The following PDZRN3 variants were observed in gnomAD, a reference collection of about 807,000 sequenced individuals.
PDZRN3 encodes PDZ domain containing ring finger 3.
A neutral mutation model predicts 85.7 loss-of-function variants in PDZRN3; 38 were observed. The observed-to-expected ratio is 0.44, with a 90% CI of 0.34 to 0.58. The LOEUF (loss-of-function observed/expected upper bound fraction) is 0.58. Ranked by LOEUF, PDZRN3 falls within the 20% of genes least tolerant of loss-of-function variation. The pLI is 0.01. For synonymous variants in PDZRN3, 759 were observed against 638.0 expected (o/e 1.19, Z -2.86); for missense variants, 1,629 against 1,506.4 (o/e 1.08, Z -1.35).
intron 3 of PDZRN3, among the ~76,000 whole-genome samples, chr3:73,571,927 T>C (rs1403417968): frequency 6.6e-6 from 1 of 152,216 alleles, no homozygotes; most frequent in Non-Finnish European, 1.5e-5. Flanking sequence ...GAATGGAACA[T>C]GGCATTGGGT....
intron 3 of PDZRN3, among the ~76,000 whole-genome samples, chr3:73,486,669 C>T (rs1241299554): frequency 1.3e-5 from 2 of 152,128 alleles, no homozygotes; most frequent in Non-Finnish European, 2.9e-5. Flanking sequence ...AAAAGTCATA[C>T]ATGCAATTTG....
At chr3:73,485,010 T>C (rs1378381278) in intron 3 of PDZRN3, among the ~76,000 whole-genome samples, 1 of 152,190 alleles carries the variant, frequency 6.6e-6, no homozygotes, top group Non-Finnish European at 1.5e-5. Context: ...CATTCATCTA[T>C]TCTAACCTTT....
chr3:73,404,322 A>G lies in PDZRN3; in HGVS notation c.992T>C (p.Ile331Thr), dbSNP rs1351704833. The G allele has an allele frequency of 3.7e-6, 6 of 1,614,134 alleles. No individual in the cohort carries two copies. The highest frequency in any genetic ancestry group is 3.4e-6 in the Non-Finnish European group (4 of 1,180,020). The change falls in exon 4 of 10, where the codon ATA (isoleucine) becomes ACA (threonine). Residue 331 changes from isoleucine (I) to threonine (T), a missense_variant. Transcript: ENST00000263666. The part of the protein sequence containing the change: ...VEAFKTAKEP[I>T]VVQVLRRTPR... ...TGTTCTTCTCAACACCTGCACCACT[A>G]TGGGCTCCTTGGCTGTCTTGAAAGC...
At chr3:73,555,741 G>A (rs1023700891) in intron 3 of PDZRN3, among the ~76,000 whole-genome samples, 1 of 152,200 alleles carries the variant, frequency 6.6e-6, no homozygotes, top group African/African-American at 2.4e-5. Context: ...TTGAACTTTG[G>A]AGAGGTGAAA....
intron 3 of PDZRN3, among the ~76,000 whole-genome samples, chr3:73,448,619 T>C (rs1244794453): frequency 6.6e-6 from 1 of 152,170 alleles, no homozygotes; most frequent in Admixed American, 6.5e-5. Context: ...TAAGCTGCTA[T>C]ACAGACCACA....
intron 3 of PDZRN3, among the ~76,000 whole-genome samples, chr3:73,521,360 G>A (rs1002383643): frequency 6.6e-6 from 1 of 152,124 alleles, no homozygotes; most frequent in Non-Finnish European, 1.5e-5. Context: ...AGCTTCAGAG[G>A]ATCAAAATGT....
chr3:73,624,305 T>G lies in PDZRN3; in HGVS notation c.521A>C (p.Gln174Pro). The change falls in exon 1 of 10, where the codon CAG (glutamine) becomes CCG (proline). Residue 174 changes from glutamine (Q) to proline (P), a missense_variant. Coordinates refer to ENST00000263666, the MANE Select transcript of PDZRN3 (RefSeq NM_015009.3). ...RALRAHNGAL[Q>P]ARLGALHKAL... ...CTTGTGCAGCGCGCCCAGGCGGGCC[T>G]GGAGCGCGCCGTTGTGCGCCCGCAG... The G allele has an allele frequency of 1.5e-6, 2 of 1,332,248 alleles. No homozygotes were observed. Among genetic ancestry groups the G allele is most frequent in the Non-Finnish European group, 1.9e-6 (2 of 1,049,210 alleles). 82.5% of individuals were successfully genotyped at this position (1,332,248 alleles called of 1,614,324 possible). A position where few individuals can be genotyped will look rare whatever the true frequency, so the allele number is the denominator to read the frequency against.
chr3:73,504,952 T>C (rs1211945215), intron 3 of PDZRN3, among the ~76,000 whole-genome samples: 2 of 152,134 alleles, frequency 1.3e-5, no homozygotes, highest in African/African-American at 2.4e-5. Context: ...AAAACAACAA[T>C]GTTTTCATAT....
chr3:73,448,900 T>C (rs1198803962), intron 3 of PDZRN3, among the ~76,000 whole-genome samples: 4 of 152,230 alleles, frequency 2.6e-5, no homozygotes, highest in Non-Finnish European at 5.9e-5. Context: ...CCAGTCACCA[T>C]GACTACCACA....
chr3:73,437,363 T>C (rs1230415622), intron 3 of PDZRN3, among the ~76,000 whole-genome samples: 3 of 152,344 alleles, frequency 2.0e-5, no homozygotes, highest in African/African-American at 4.8e-5. Context: ...TGATATGTCA[T>C]GTAACCGCTA....
chr3:73,506,083 A>C (rs1198742906), intron 3 of PDZRN3, among the ~76,000 whole-genome samples: 1 of 152,200 alleles, frequency 6.6e-6, no homozygotes, highest in Non-Finnish European at 1.5e-5. Context: ...CCCTCCATCC[A>C]TGTGAAACTC....
intron 3 of PDZRN3, among the ~76,000 whole-genome samples, chr3:73,447,217 T>G (rs962579952): frequency 6.6e-6 from 1 of 151,922 alleles, no homozygotes; most frequent in Non-Finnish European, 1.5e-5. Context: ...TGCAAAACCT[T>G]GCTCTGCCCT....
chr3:73,604,697 T>C (rs961892231), intron 2 of PDZRN3, among the ~76,000 whole-genome samples: 1 of 152,212 alleles, frequency 6.6e-6, no homozygotes, highest in Non-Finnish European at 1.5e-5. Context: ...AAGAGATCTG[T>C]GTTTACTCTG....
At chr3:73,443,775 T>C (rs1000856530) in intron 3 of PDZRN3, among the ~76,000 whole-genome samples, 2 of 152,148 alleles carry the variant, frequency 1.3e-5, no homozygotes, top group East Asian at 1.9e-4. Context: ...ATTATAGGCA[T>C]GGGCCACTGA....
chr3:73,453,425 A>C (rs111495893), intron 3 of PDZRN3, among the ~76,000 whole-genome samples: 32 of 8,466 alleles, frequency 3.8e-3, no homozygotes, highest in Non-Finnish European at 0.01. Flanking sequence ...AAAAAAAAAC[A>C]AAAAAAAAAA....
At position 73,540,087 on chromosome 3, in the gene PDZRN3, GAAAA is replaced by G. The variant is rs1168662549; in HGVS notation, c.918+62263_918+62266del. Among the ~76,000 whole-genome samples, 157 of 50,030 alleles carry G rather than the reference GAAAA, an allele frequency of 3.1e-3. 1 individual carries two copies. The highest frequency in any genetic ancestry group is 0.011 in the African/African-American group (150 of 13,370). 32.8% of individuals were successfully genotyped at this position (50,030 alleles called of 152,430 possible). On this transcript the variant is annotated intron_variant, in intron 3 of 9. Transcript: ENST00000263666. ...ACAGATGCTCTGAAAACTGTTGGAT[GAAAA>G]AAAAAAAAAAAAAAAAAAAACAGTT... is the stretch of plus-strand genomic sequence containing the variant.
chr3:73,624,073 T>A, intron 1 of PDZRN3, 30 bp downstream of exon 1: 1 of 1,414,094 alleles, frequency 7.1e-7, no homozygotes, highest in Non-Finnish European at 9.1e-7. Context: ...GGATCCTGGC[T>A]GGAGGTCGGG....
chr3:73,464,388 T>C (rs1388089209), intron 3 of PDZRN3, among the ~76,000 whole-genome samples: 1 of 152,188 alleles, frequency 6.6e-6, no homozygotes, highest in Admixed American at 6.5e-5. Flanking sequence ...TTATTATTGG[T>C]ATAGAAAGTG....
At chr3:73,433,853 A>G in intron 3 of PDZRN3, 4 of 1,442,032 alleles carry the variant, frequency 2.8e-6, no homozygotes, top group South Asian at 1.5e-5. Context: ...CTGCTCTCAG[A>G]GGCTAGACAA....
Sources: gnomAD v4.1 joint callset for allele counts (sites outside exome capture counted in the v4.1 genomes callset) on GRCh38, gnomAD v4.1.1 for gene constraint, MANE v1.5 for transcripts, NCBI Gene and HGNC (gene_info 2026-07-23, HGNC 2026-07-21) for gene names.